LSM4: variants seen among roughly 807,000 people sequenced by gnomAD.
LSM4 encodes U6 snRNA-associated Sm-like protein LSm4.
A neutral mutation model predicts 22.3 loss-of-function variants in LSM4; 15 were observed. The ratio of observed to expected loss-of-function variants is 0.67; its 90% confidence interval spans 0.45 to 1.03. The LOEUF is 1.03. Among genes scored for constraint, LSM4 ranks in the 50% least tolerant of loss-of-function variants. The pLI is 0.00. For synonymous variants in LSM4, 90 were observed against 79.8 expected (o/e 1.13, Z -0.68); for missense variants, 127 against 198.0 (o/e 0.64, Z 2.15).
At chr19:18,309,564 C>A in intron 4 of LSM4, 114 bp downstream of exon 4, 1 of 1,186,764 alleles carries the variant, frequency 8.4e-7, no homozygotes, top group Non-Finnish European at 1.2e-6. Flanking sequence ...GAGGGGGGCC[C>A]GGGAGGGTTG....
chr19:18,314,108 G>C (rs1007870806), intron 2 of LSM4, among the ~76,000 whole-genome samples: 1 of 152,050 alleles, frequency 6.6e-6, no homozygotes, highest in Non-Finnish European at 1.5e-5. Context: ...CTCAACTTAG[G>C]CATCTGCCCA....
intron 4 of LSM4, among the ~76,000 whole-genome samples, chr19:18,307,918 G>A (rs1426600422): frequency 6.6e-6 from 1 of 151,676 alleles, no homozygotes; most frequent in African/African-American, 2.4e-5. Flanking sequence ...CAGAGACCAG[G>A]GCAGTAGGCC....
At chr19:18,312,246 T>G (rs1970306329) in intron 3 of LSM4, 1 of 227,148 alleles carries the variant, frequency 4.4e-6, no homozygotes, top group Non-Finnish European at 8.9e-6. Context: ...GCCCGCAGAG[T>G]GCAGGCAACA....
rs1970227341 is a variant in LSM4 at position 18,306,756 on chromosome 19, G to C, written c.*708C>G. ...ATGCTGGTCTTGCCTTTTGTAAAAG[G>C]ACATCAGTGCCTCACTGTGCCGCTG... On this transcript the variant is annotated 3_prime_UTR_variant, in exon 5 of 5. Transcript: ENST00000593829. 1 of 152,246 alleles carries C rather than the reference G, an allele frequency of 6.6e-6. No individual in the cohort carries two copies. Among genetic ancestry groups the C allele is most frequent in the Non-Finnish European group, 1.5e-5 (1 of 68,048 alleles). 9.4% of individuals were successfully genotyped at this position (152,246 alleles called of 1,614,324 possible). A position where few individuals can be genotyped will look rare whatever the true frequency, so the allele number is the denominator to read the frequency against.
intron 4 of LSM4, among the ~76,000 whole-genome samples, chr19:18,307,812 G>A (rs529253647): frequency 2.0e-5 from 3 of 151,436 alleles, no homozygotes; most frequent in South Asian, 2.1e-4. Context: ...GGCGACAGAG[G>A]ACACTAAGTC....
intron 3 of LSM4, among the ~76,000 whole-genome samples, chr19:18,310,413 TGTG>T (rs1222732052): frequency 6.6e-6 from 1 of 152,106 alleles, no homozygotes; most frequent in Non-Finnish European, 1.5e-5. Flanking sequence ...ACAGGCCTAG[TGTG>T]GTGGGTGAAG....
At chr19:18,322,943 A>AGCGC in intron 1 of LSM4, 75 bp downstream of exon 1, 1 of 1,567,744 alleles carries the variant, frequency 6.4e-7, no homozygotes, top group South Asian at 1.2e-5. Context: ...CCAAGCCCAC[A>AGCGC]GCGCCCGCCC....
intron 2 of LSM4, 100 bp from the exon 3 acceptor site, chr19:18,312,802 C>G: frequency 1.2e-6 from 1 of 868,772 alleles, no homozygotes; most frequent in Non-Finnish European, 1.9e-6. Context: ...CCACCACCTC[C>G]GGGCCTCAGC....
At position 18,307,396 on chromosome 19, in the gene LSM4, G is replaced by A. The variant is rs998073988; in HGVS notation, c.*68C>T. The A allele has an allele frequency of 4.8e-5, 64 of 1,346,466 alleles. No homozygotes were observed. Among genetic ancestry groups the A allele is most frequent in the South Asian group, 2.1e-4 (14 of 67,352 alleles). 83.4% of individuals were successfully genotyped at this position (1,346,466 alleles called of 1,614,324 possible). On this transcript the variant is annotated 3_prime_UTR_variant, in exon 5 of 5. Coordinates refer to ENST00000593829, the MANE Select transcript of LSM4 (RefSeq NM_012321.5). ...TGCCTCTTCCTTTCTGAGCAGATCC[G>A]TCCGAGACTGTGGAGCGGAATCGCC...
intron 4 of LSM4, 144 bp downstream of exon 4, chr19:18,309,534 G>T: frequency 1.2e-6 from 1 of 869,254 alleles, no homozygotes; most frequent in Non-Finnish European, 1.7e-6. Context: ...CCTGGGCCTC[G>T]GCTCATGGCC....
chr19:18,313,279 TA>T (rs1970318393), intron 2 of LSM4, among the ~76,000 whole-genome samples: 2 of 151,954 alleles, frequency 1.3e-5, no homozygotes, highest in South Asian at 4.1e-4. Flanking sequence ...CAGAAATGTT[TA>T]AAGGAATAAG....
At chr19:18,318,571 G>C (rs1279104879) in intron 1 of LSM4, among the ~76,000 whole-genome samples, 1 of 152,260 alleles carries the variant, frequency 6.6e-6, no homozygotes, top group African/African-American at 2.4e-5. Flanking sequence ...CCTTTACTGT[G>C]AAGAAGCCGT....
In LSM4 at chr19:18,307,324, C is replaced by T; in HGVS notation, c.*140G>A. 3.5e-6 allele frequency: 2 copies of T among 564,998 alleles called. No individual in the cohort carries two copies. The highest frequency in any genetic ancestry group is 3.9e-5 in the South Asian group (1 of 25,632). The allele number at this position is 564,998 out of a possible 1,614,324, so 35.0% of individuals were successfully genotyped here. The stretch of plus-strand genomic sequence containing the variant: ...GTTTTAGCAAGAAAAAGGGGCTTCA[C>T]CTAAAAGGGAGGGTCACAAAACACG... On this transcript the variant is annotated 3_prime_UTR_variant, in exon 5 of 5. Transcript: ENST00000593829.
chr19:18,322,650 G>A lies in LSM4; in HGVS notation c.3+368C>T, dbSNP rs1158634178. Among the ~76,000 whole-genome samples the A allele has an allele frequency of 2.0e-5, 3 of 152,044 alleles. No homozygotes were observed. The East Asian group carries it at 5.8e-4, about 29-fold the overall frequency. ...CCCAGCACTCTAGTTTTCAATCAGG[G>A]AGGTCAGACTGGGCCCGAAGCGTAA... On this transcript the variant is annotated intron_variant, in intron 1 of 4. Transcript: ENST00000593829.
chr19:18,310,004 G>A lies in LSM4; in HGVS notation c.145-143C>T, dbSNP rs190888824. On this transcript the variant is annotated intron_variant, in intron 3 of 4. Transcript: ENST00000593829. Reference sequence around the variant, plus strand: ...GCACAGTATCAGTCCCGGGACATACGTGGCAAAGGGTCCACCCTGCAGGCA... The same window carrying A: ...GCACAGTATCAGTCCCGGGACATACATGGCAAAGGGTCCACCCTGCAGGCA... The A allele has an allele frequency of 1.0e-4, 75 of 731,584 alleles. No homozygotes were observed. The East Asian group carries it at 1.7e-3, about 17-fold the overall frequency. 45.3% of individuals were successfully genotyped at this position (731,584 alleles called of 1,614,324 possible).
intron 2 of LSM4, among the ~76,000 whole-genome samples, chr19:18,313,714 C>G (rs898276143): frequency 6.6e-6 from 1 of 152,132 alleles, no homozygotes; most frequent in African/African-American, 2.4e-5. Context: ...AGTGGGGTCT[C>G]ACTGTTGCCC....
chr19:18,307,014 C>T lies in LSM4; in HGVS notation c.*450G>A, dbSNP rs569365359. On this transcript the variant is annotated 3_prime_UTR_variant, in exon 5 of 5. Transcript: ENST00000593829. The stretch of plus-strand genomic sequence containing the variant: ...ACGGTTCGAAGGCTTTCAACCGTCC[C>T]GGGTTTGTTTTGAAGGCAATTTTGG... 15 of 159,986 alleles carry T rather than the reference C, an allele frequency of 9.4e-5. No homozygotes were observed. The highest frequency in any genetic ancestry group is 3.7e-4 in the East Asian group (2 of 5,462). 9.9% of individuals were successfully genotyped at this position (159,986 alleles called of 1,614,324 possible). A position where few individuals can be genotyped will look rare whatever the true frequency, so the allele number is the denominator to read the frequency against.
intron 2 of LSM4, among the ~76,000 whole-genome samples, chr19:18,313,062 C>A (rs1245132490): frequency 4.6e-5 from 7 of 152,114 alleles, no homozygotes; most frequent in Admixed American, 6.6e-5. Context: ...CTACTAAAAT[C>A]ATAAAAATTA....
chr19:18,315,751 A>G (rs1170777675), intron 2 of LSM4, among the ~76,000 whole-genome samples: 1 of 150,236 alleles, frequency 6.7e-6, no homozygotes, highest in African/African-American at 2.5e-5. Flanking sequence ...CGAACTCCTG[A>G]GCTCAAGCGA....
Sources: allele counts gnomAD v4.1 joint callset (sites outside exome capture counted in the v4.1 genomes callset), GRCh38; gene constraint gnomAD v4.1.1; transcripts MANE v1.5; gene names NCBI Gene and HGNC (gene_info 2026-07-23, HGNC 2026-07-21).